Variants in PAM observed in about 807,000 individuals in gnomAD.
PAM encodes the protein peptidyl-glycine alpha-amidating monooxygenase.
A neutral mutation model predicts 122.1 loss-of-function variants in PAM; 72 were observed. The observed-to-expected ratio is 0.59, with a 90% CI of 0.49 to 0.72. The LOEUF is 0.72. Among genes scored for constraint, PAM ranks in the 30% least tolerant of loss-of-function variants. The pLI is 0.00. For missense variants in PAM, 1,106 were observed against 1,183.7 expected, an observed-to-expected ratio of 0.93 and a Z score of 0.96; for synonymous variants, 389 against 404.4, an observed-to-expected ratio of 0.96 and a Z score of 0.46.
chr5:102,912,829 C>G (rs1801821453), intron 4 of PAM, among the ~76,000 whole-genome samples: 2 of 151,966 alleles, frequency 1.3e-5, no homozygotes. Flanking sequence ...CAAGTTCTTA[C>G]TTTCATTGCA....
At chr5:102,976,016 T>C (rs1293467311) in intron 15 of PAM, among the ~76,000 whole-genome samples, 4 of 152,130 alleles carry the variant, frequency 2.6e-5, no homozygotes, top group Non-Finnish European at 5.9e-5. Context: ...ACTTGGCAAA[T>C]ATCCTCATAC....
chr5:102,794,135 T>G (rs962704080), intron 1 of PAM, among the ~76,000 whole-genome samples: 2 of 152,240 alleles, frequency 1.3e-5, no homozygotes, highest in African/African-American at 4.8e-5. Context: ...ATTTTAATGA[T>G]AGTTTAAACA....
At chr5:102,871,565 A>G (rs1265806614) in intron 3 of PAM, among the ~76,000 whole-genome samples, 1 of 151,594 alleles carries the variant, frequency 6.6e-6, no homozygotes, top group Non-Finnish European at 1.5e-5. Flanking sequence ...AAATGGACCT[A>G]TCATAAGAGA....
intron 15 of PAM, among the ~76,000 whole-genome samples, chr5:102,986,023 A>T (rs868087296): frequency 6.6e-6 from 1 of 152,208 alleles, no homozygotes; most frequent in African/African-American, 2.4e-5. Context: ...AGCATTTGCT[A>T]AAATTCTATT....
At chr5:102,927,762 TAATA>T (rs1281193306) in intron 7 of PAM, among the ~76,000 whole-genome samples, 2 of 149,248 alleles carry the variant, frequency 1.3e-5, no homozygotes, top group Non-Finnish European at 3.0e-5. Flanking sequence ...ATTAATACAC[TAATA>T]AATATATATA....
At chr5:102,918,456 T>C (rs960230984) in intron 5 of PAM, among the ~76,000 whole-genome samples, 2 of 152,120 alleles carry the variant, frequency 1.3e-5, no homozygotes, top group African/African-American at 4.8e-5. Flanking sequence ...TGAAATGAAA[T>C]GAAGGTGCTT....
intron 12 of PAM, 148 bp downstream of exon 12, chr5:102,950,968 CTGAT>C: frequency 3.5e-6 from 2 of 570,898 alleles, no homozygotes; most frequent in South Asian, 2.3e-5. Flanking sequence ...CATTTCAAAG[CTGAT>C]TGATTCAGAT....
intron 16 of PAM, among the ~76,000 whole-genome samples, chr5:103,002,462 G>A (rs539557684): frequency 9.9e-5 from 15 of 152,032 alleles, no homozygotes; most frequent in African/African-American, 3.4e-4. Context: ...TTTTTGTCTC[G>A]AGGATAGATT....
intron 1 of PAM, among the ~76,000 whole-genome samples, chr5:102,851,764 T>G (rs1388118042): frequency 6.6e-6 from 1 of 152,224 alleles, no homozygotes; most frequent in Non-Finnish European, 1.5e-5. Context: ...TCAAGAGAAA[T>G]ACGGCATGTT....
At chr5:102,867,696 G>A (rs894095959) in intron 3 of PAM, among the ~76,000 whole-genome samples, 5 of 152,164 alleles carry the variant, frequency 3.3e-5, no homozygotes, top group Non-Finnish European at 7.3e-5. Flanking sequence ...CAGCATGCAA[G>A]TACGCATTAA....
At chr5:102,841,985 A>G (rs1371277936) in intron 1 of PAM, among the ~76,000 whole-genome samples, 4 of 152,106 alleles carry the variant, frequency 2.6e-5, no homozygotes, top group African/African-American at 7.2e-5. Flanking sequence ...GGCTATACAC[A>G]AAAATTGAGT....
At position 103,028,242 on chromosome 5, in the gene PAM, T is replaced by A; in HGVS notation, c.2743+4T>A. 2 of 1,600,178 alleles carry A rather than the reference T, an allele frequency of 1.2e-6. No homozygotes were observed. The highest frequency in any genetic ancestry group is 1.7e-6 in the Non-Finnish European group (2 of 1,167,474). ...AGAGTACTGGGAAGATTTAGAGGTA[T>A]GCCTATGACCTTTTAGAACCCTTCA... is the stretch of plus-strand genomic sequence containing the variant. On this transcript the variant is annotated splice_donor_region_variant and intron_variant, in intron 25 of 25. Transcript: ENST00000438793.
At chr5:102,969,002 A>G (rs775422047) in intron 14 of PAM, among the ~76,000 whole-genome samples, 1 of 151,604 alleles carries the variant, frequency 6.6e-6, no homozygotes, top group Non-Finnish European at 1.5e-5. Context: ...AAAACCAAAC[A>G]CTGCATGTTC....
chr5:102,758,073 G>GTT lies in PAM; in HGVS notation c.-374+2759_-374+2760dup, dbSNP rs1168917285. Among the ~76,000 whole-genome samples, 206 of 24,806 alleles carry GTT rather than the reference G, an allele frequency of 8.3e-3. 20 individuals are homozygous for GTT. The highest frequency in any genetic ancestry group is 0.015 in the Non-Finnish European group (168 of 11,108). The allele number at this position is 24,806 out of a possible 152,430, so 16.3% of individuals were successfully genotyped here. A position where few individuals can be genotyped will look rare whatever the true frequency, so the allele number is the denominator to read the frequency against. ...AAAAAAAAAAAAGACTTAGAATTTT[G>GTT]TTTTTTTTTTTTTTTTTTTTTTTTT... On this transcript the variant is annotated intron_variant, in intron 1 of 25. Coordinates refer to ENST00000438793, the MANE Select transcript of PAM (RefSeq NM_001177306.2).
chr5:102,979,773 A>G (rs1377797390), intron 15 of PAM, among the ~76,000 whole-genome samples: 1 of 152,050 alleles, frequency 6.6e-6, no homozygotes, highest in Non-Finnish European at 1.5e-5. Context: ...TGATTAATTG[A>G]TGCAATTTTA....
rs751745351 is a variant in PAM at position 103,029,115 on chromosome 5, TC to T, written c.*52del. 8 of 1,465,686 alleles carry T rather than the reference TC, an allele frequency of 5.5e-6. No homozygotes were observed. Among genetic ancestry groups the T allele is most frequent in the Non-Finnish European group, 7.5e-6 (8 of 1,067,780 alleles). The allele number at this position is 1,465,686 out of a possible 1,614,324, so 90.8% of individuals were successfully genotyped here. On this transcript the variant is annotated 3_prime_UTR_variant, in exon 26 of 26. Transcript: ENST00000438793. Reference sequence around the variant, plus strand: ...GTAAGATTTACCCAGAATGTCAGATTCCTTTCCCTTTAGCACGTTTAAAGTT... The same window carrying T: ...GTAAGATTTACCCAGAATGTCAGATTCTTTCCCTTTAGCACGTTTAAAGTT...
chr5:102,876,229 G>A (rs1264212740), intron 3 of PAM, among the ~76,000 whole-genome samples: 1 of 151,958 alleles, frequency 6.6e-6, no homozygotes, highest in Non-Finnish European at 1.5e-5. Context: ...CCAAATTCCA[G>A]CCTTTTCTCA....
At chr5:103,017,028 A>G (rs2151229616) in intron 21 of PAM, among the ~76,000 whole-genome samples, 1 of 152,336 alleles carries the variant, frequency 6.6e-6, no homozygotes, top group South Asian at 2.1e-4. Context: ...TGCAACACCA[A>G]GTAAACAGTA....
chr5:102,779,059 T>C (rs918307869), intron 1 of PAM, among the ~76,000 whole-genome samples: 1 of 152,160 alleles, frequency 6.6e-6, no homozygotes, highest in Non-Finnish European at 1.5e-5. Context: ...GTGAAGGAAT[T>C]GAGTGAGGTA....
Sources: allele counts gnomAD v4.1 joint callset (sites outside exome capture counted in the v4.1 genomes callset), GRCh38; gene constraint gnomAD v4.1.1; transcripts MANE v1.5; gene names NCBI Gene and HGNC (gene_info 2026-07-23, HGNC 2026-07-21).